Variants in CDH10 observed in about 807,000 individuals in gnomAD.
CDH10 encodes the protein cadherin-10.
CDH10 carries 30 observed loss-of-function variants against 73.1 expected under a neutral mutation model. The ratio of observed to expected loss-of-function variants is 0.41; its 90% CI spans 0.31 to 0.56. The LOEUF (loss-of-function observed/expected upper bound fraction) is 0.56, where lower values mean the gene tolerates loss of function less well. CDH10 is among the 20% of genes least tolerant of loss of function. CDH10 has a pLI of 0.27. For missense variants in CDH10, 815 were observed against 973.7 expected (o/e 0.84, Z 2.17); for synonymous variants, 345 against 348.2 (o/e 0.99, Z 0.10).
intron 1 of CDH10, among the ~76,000 whole-genome samples, chr5:24,623,649 A>G (rs889366318): frequency 3.9e-5 from 6 of 152,198 alleles, no homozygotes; most frequent in African/African-American, 1.2e-4. Context: ...TCATGTGAAC[A>G]AAAATATTTA....
rs2111613250 is a variant in CDH10, at chr5:24,488,137, A to G, written c.1893T>C (p.Phe631=). Residue 631 remains phenylalanine (F), a synonymous_variant, in exon 12 of 12, where the codon TTT becomes TTC. Transcript: ENST00000264463. The stretch of plus-strand genomic sequence containing the variant: ...TTTTTCGCTGTCTTTTCAGAGCTGC[A>G]AACAGTACTACTATAACTTGAAAAA... The part of the protein sequence containing the change: ...IIILLVIVVL[F]AALKRQRKKE... 1 of 1,611,158 alleles carries G rather than the reference A, an allele frequency of 6.2e-7. No homozygotes were observed. The highest frequency in any genetic ancestry group is 1.3e-5 in the African/African-American group (1 of 74,676).
chr5:24,522,007 G>A (rs955037188), intron 5 of CDH10, among the ~76,000 whole-genome samples: 4 of 151,896 alleles, frequency 2.6e-5, no homozygotes, highest in African/African-American at 7.3e-5. Flanking sequence ...GGTGGCAGGC[G>A]CCTGTAGTCC....
chr5:24,630,312 C>T, intron 1 of CDH10, among the ~76,000 whole-genome samples: 1 of 151,814 alleles, frequency 6.6e-6, no homozygotes, highest in East Asian at 1.9e-4. Context: ...CTTTGTAATC[C>T]CAGCTGAGGC....
intron 1 of CDH10, among the ~76,000 whole-genome samples, chr5:24,601,814 T>G (rs188980039): frequency 2.4e-4 from 37 of 152,232 alleles, no homozygotes; most frequent in African/African-American, 8.2e-4. Flanking sequence ...AAAAGATATT[T>G]TAAAAATTAC....
chr5:24,630,047 A>G (rs1747652814), intron 1 of CDH10, among the ~76,000 whole-genome samples: 1 of 152,170 alleles, frequency 6.6e-6, no homozygotes, highest in Admixed American at 6.6e-5. Flanking sequence ...AACATCTGCT[A>G]CTATGTGGGA....
At chr5:24,618,448 AT>A (rs1162009792) in intron 1 of CDH10, among the ~76,000 whole-genome samples, 1 of 152,200 alleles carries the variant, frequency 6.6e-6, no homozygotes, top group Non-Finnish European at 1.5e-5. Flanking sequence ...AACTCATGTG[AT>A]TATTCTACAG....
chr5:24,593,476 T>C lies in CDH10; in HGVS notation c.15A>G (p.Gln5=). Residue 5 remains glutamine (Q), a synonymous_variant, in exon 2 of 12, where the codon CAA becomes CAG. Transcript: ENST00000264463. ...CCCAGAATAGAAACAGTAGCAAAAA[T>C]TGATGTATTGTCATAGTTCACTTCT... MTIH[Q]FLLLFLFWVC... The C allele has an allele frequency of 6.3e-7, 1 of 1,582,710 alleles. No individual in the cohort carries two copies.
At chr5:24,495,640 A>G (rs964217824) in intron 9 of CDH10, among the ~76,000 whole-genome samples, 5 of 152,072 alleles carry the variant, frequency 3.3e-5, no homozygotes, top group African/African-American at 9.7e-5. Context: ...CAAGGTCAGG[A>G]AATCGAGACC....
chr5:24,581,373 G>C (rs570793805), intron 2 of CDH10, among the ~76,000 whole-genome samples: 1 of 152,256 alleles, frequency 6.6e-6, no homozygotes, highest in African/African-American at 2.4e-5. Context: ...CACCTTCTCC[G>C]TGAGGAAGCA....
intron 2 of CDH10, among the ~76,000 whole-genome samples, chr5:24,548,473 T>C (rs1744423650): frequency 7.9e-6 from 1 of 126,704 alleles, no homozygotes. Flanking sequence ...GAATTCCCAG[T>C]CCTCCTCTTT....
rs2112094176 is a variant in CDH10, at chr5:24,593,451, C to T, written c.40G>A (p.Val14Ile). Residue 14 changes from valine (V) to isoleucine (I), a missense_variant, in exon 2 of 12, where the codon GTA becomes ATA. This residue lies in a region of CDH10 where 58 missense variants were observed against 96.7 expected (regional missense o/e 0.60). Coordinates refer to ENST00000264463, the MANE Select transcript of CDH10 (RefSeq NM_006727.5). ...HQFLLLFLFW[V>I]CLPHFCSPEI... Reference sequence around the variant, plus strand: ...GGAGAGCAGAAATGTGGCAGGCATACCCAGAATAGAAACAGTAGCAAAAAT... The same window carrying T: ...GGAGAGCAGAAATGTGGCAGGCATATCCAGAATAGAAACAGTAGCAAAAAT... The T allele has an allele frequency of 6.2e-7, 1 of 1,610,166 alleles. No individual in the cohort carries two copies. Among genetic ancestry groups the T allele is most frequent in the Non-Finnish European group, 8.5e-7 (1 of 1,176,742 alleles).
At chr5:24,614,757 A>C (rs1157177088) in intron 1 of CDH10, among the ~76,000 whole-genome samples, 2 of 152,202 alleles carry the variant, frequency 1.3e-5, no homozygotes, top group Non-Finnish European at 2.9e-5. Flanking sequence ...GGAGTATTTT[A>C]TATGTACCCA....
chr5:24,574,012 G>C (rs1306249339), intron 2 of CDH10, among the ~76,000 whole-genome samples: 3 of 151,548 alleles, frequency 2.0e-5, no homozygotes, highest in Non-Finnish European at 4.4e-5. Flanking sequence ...AACCTCCCGA[G>C]TAGCTGGGAC....
chr5:24,524,293 T>C (rs1321848004), intron 5 of CDH10, among the ~76,000 whole-genome samples: 3 of 152,134 alleles, frequency 2.0e-5, no homozygotes, highest in Non-Finnish European at 4.4e-5. Context: ...GTCTGTTGAA[T>C]AGAAGTATCC....
In CDH10 at chr5:24,509,745, A is replaced by C. The variant is rs1215834001; in HGVS notation, c.1077T>G (p.Phe359Leu). Reference protein sequence around the residue: ...EAENTHVDPRFYYLGPFKDTT... With the variant: ...EAENTHVDPRLYYLGPFKDTT... ...TATCTTTAAATGGTCCTAGGTAATAAAAACGGGGATCTACATGGGTGTTTT... is the reference window on the plus strand; with the variant it reads ...TATCTTTAAATGGTCCTAGGTAATACAAACGGGGATCTACATGGGTGTTTT... The change falls in exon 7 of 12, where the codon TTT becomes TTG. Residue 359 changes from phenylalanine (F) to leucine (L), a missense_variant. Coordinates refer to ENST00000264463, the MANE Select transcript of CDH10 (RefSeq NM_006727.5). 1.2e-6 allele frequency: 2 copies of C among 1,613,002 alleles called. No homozygotes were observed. The highest frequency in any genetic ancestry group is 2.2e-5 in the East Asian group (1 of 44,846).
chr5:24,627,525 G>T (rs917434803), intron 1 of CDH10, among the ~76,000 whole-genome samples: 1 of 152,104 alleles, frequency 6.6e-6, no homozygotes, highest in Admixed American at 6.6e-5. Context: ...TGGAGGAGCA[G>T]GGACCATATT....
chr5:24,638,050 T>G (rs1209075324), intron 1 of CDH10, among the ~76,000 whole-genome samples: 1 of 151,778 alleles, frequency 6.6e-6, no homozygotes, highest in East Asian at 1.9e-4. Flanking sequence ...TGGGCTGGAT[T>G]TCAGATTTCA....
chr5:24,631,449 T>A (rs984485241), intron 1 of CDH10, among the ~76,000 whole-genome samples: 3 of 151,974 alleles, frequency 2.0e-5, no homozygotes, highest in African/African-American at 7.2e-5. Flanking sequence ...GAAAAATATA[T>A]TTCAGGAAGA....
rs1742113395 is a variant in CDH10, at chr5:24,492,882, C to G, written c.1559G>C (p.Gly520Ala). The G allele has an allele frequency of 6.3e-7, 1 of 1,583,734 alleles. No homozygotes were observed. The highest frequency in any genetic ancestry group is 8.7e-7 in the Non-Finnish European group (1 of 1,152,702). Residue 520 changes from glycine to alanine, a missense_variant, in exon 10 of 12, where the codon GGT (glycine) becomes GCT (alanine). Gly to Ala is a moderately conservative substitution (Grantham distance 60, BLOSUM62 0). Transcript: ENST00000264463. ...TAAACTGAAAAAAAATTTCTGTCCA[C>G]CTAAAGGGTCATCTTTGTCTACTGC... ...ISAVDKDDPL[G>A]GQKFFFSLAA... is the part of the protein sequence containing the mutation.
Sources: gnomAD v4.1 joint callset for allele counts (sites outside exome capture counted in the v4.1 genomes callset) on GRCh38, gnomAD v4.1.1 for gene constraint, gnomAD v4.1.1 regional missense constraint, MANE v1.5 for transcripts, NCBI Gene and HGNC (gene_info 2026-07-23, HGNC 2026-07-21) for gene names.